The following CEP89 variants were observed in gnomAD, a reference collection of about 807,000 sequenced individuals.
CEP89 encodes centrosomal protein 89, also known as centrosomal protein of 89 kDa.
In CEP89, 95 loss-of-function variants were observed where a neutral mutation model predicts 97.6. The observed-to-expected ratio is 0.97, with a 90% CI of 0.82 to 1.15. The LOEUF is 1.15. Ranked by LOEUF, CEP89 falls within the 50% of genes most tolerant of loss-of-function variation. CEP89 has a pLI of 0.00. For missense variants in CEP89, 869 were observed against 947.7 expected (o/e 0.92, Z 1.09); for synonymous variants, 354 against 349.1 (o/e 1.01, Z -0.16).
rs1969177365 is a variant in CEP89, at chr19:32,876,115, ATTGTAT to A, written c.*3041_*3046del. The A allele has an allele frequency of 1.3e-5, 2 of 151,876 alleles. No homozygotes were observed. Among genetic ancestry groups the A allele is most frequent in the Non-Finnish European group, 2.9e-5 (2 of 68,224 alleles). 9.4% of individuals were successfully genotyped at this position (151,876 alleles called of 1,614,324 possible). Reference sequence around the variant, plus strand: ...TTCCCCAGGGCTGCTTTTACTTTTTATTGTATTATTTTTGAGGCAGGGTCTCACCTG... The same window carrying A: ...TTCCCCAGGGCTGCTTTTACTTTTTATATTTTTGAGGCAGGGTCTCACCTG... On this transcript the variant is annotated 3_prime_UTR_variant, in exon 19 of 19. Transcript: ENST00000305768.
chr19:32,950,570 C>T (rs1970890193), intron 4 of CEP89, among the ~76,000 whole-genome samples: 1 of 151,964 alleles, frequency 6.6e-6, no homozygotes, highest in African/African-American at 2.4e-5. Flanking sequence ...TTCACCCCCA[C>T]AAAAAAAGCA....
chr19:32,959,714 A>C (rs1971124009), intron 3 of CEP89, among the ~76,000 whole-genome samples, 186 bp downstream of exon 3: 1 of 152,210 alleles, frequency 6.6e-6, no homozygotes, highest in Non-Finnish European at 1.5e-5. Flanking sequence ...GACAGTGTCC[A>C]TTTGACATTG....
rs747351322 is a variant in CEP89 at position 32,948,261 on chromosome 19, T to TC, written c.595+4dup. On this transcript the variant is annotated splice_donor_region_variant and intron_variant, in intron 5 of 18. Transcript: ENST00000305768. Reference sequence around the variant, plus strand: ...TTTATAAAAATTGTGGTTTTTTTTTTCTACCTTTTTGTTGTGTCCGCTGTG... The same window carrying TC: ...TTTATAAAAATTGTGGTTTTTTTTTTCCTACCTTTTTGTTGTGTCCGCTGTG... 5.3e-6 allele frequency: 8 copies of TC among 1,521,312 alleles called. No homozygotes were observed. The highest frequency in any genetic ancestry group is 7.1e-6 in the Non-Finnish European group (8 of 1,126,464). 94.2% of individuals were successfully genotyped at this position (1,521,312 alleles called of 1,614,324 possible).
chr19:32,895,443 A>G (rs1969620214), intron 16 of CEP89, among the ~76,000 whole-genome samples: 1 of 152,186 alleles, frequency 6.6e-6, no homozygotes, highest in African/African-American at 2.4e-5. Context: ...AACACTTAAT[A>G]AACTAGACAT....
At chr19:32,910,576 T>A (rs917155460) in intron 14 of CEP89, among the ~76,000 whole-genome samples, 19 of 152,230 alleles carry the variant, frequency 1.2e-4, no homozygotes, top group African/African-American at 4.6e-4. Flanking sequence ...TTTAATTTTT[T>A]AACTTTTTGA....
At position 32,926,922 on chromosome 19, in the gene CEP89, A is replaced by G; in HGVS notation, c.1080+12T>C. On this transcript the variant is annotated intron_variant, in intron 10 of 18. Coordinates refer to ENST00000305768, the MANE Select transcript of CEP89 (RefSeq NM_032816.5). The stretch of plus-strand genomic sequence containing the variant: ...GAAAATATGGGCCTGAAATTAAATA[A>G]CTTTCACTTACCAACCAGGGTGGTA... 3 of 1,611,842 alleles carry G rather than the reference A, an allele frequency of 1.9e-6. No individual in the cohort carries two copies. The highest frequency in any genetic ancestry group is 2.5e-6 in the Non-Finnish European group (3 of 1,178,086).
intron 2 of CEP89, among the ~76,000 whole-genome samples, chr19:32,964,586 A>C (rs1403659571): frequency 6.6e-6 from 1 of 152,258 alleles, no homozygotes; most frequent in Non-Finnish European, 1.5e-5. Flanking sequence ...ATAATGAAAT[A>C]CTACTCAGTA....
chr19:32,959,969 C>A lies in CEP89; in HGVS notation c.236G>T (p.Ser79Ile). The A allele has an allele frequency of 2.5e-6, 4 of 1,614,252 alleles. No individual in the cohort carries two copies. Among genetic ancestry groups the A allele is most frequent in the Non-Finnish European group, 3.4e-6 (4 of 1,180,046 alleles). Reference sequence around the variant, plus strand: ...GTCCTGTTCAACACTGCTCACATCACTCTCAGACCGGGACCTCTGGCGAGG... The same window carrying A: ...GTCCTGTTCAACACTGCTCACATCAATCTCAGACCGGGACCTCTGGCGAGG... ...PQPRQRSRSE[S>I]DVSSVEQDSF... Residue 79 changes from serine to isoleucine, a missense_variant, in exon 3 of 19, where the codon AGT becomes ATT. By Grantham distance (142) the Ser-to-Ile change is moderately radical. Coordinates refer to ENST00000305768, the MANE Select transcript of CEP89 (RefSeq NM_032816.5).
intron 4 of CEP89, among the ~76,000 whole-genome samples, chr19:32,952,350 G>A (rs535839243): frequency 5.4e-5 from 8 of 149,140 alleles, no homozygotes; most frequent in South Asian, 2.1e-4. Context: ...TTGTGGTGCC[G>A]CGTGCCTAAA....
chr19:32,948,037 G>A (rs1218809033), intron 5 of CEP89, among the ~76,000 whole-genome samples: 1 of 152,122 alleles, frequency 6.6e-6, no homozygotes. Context: ...AAATTCTTGA[G>A]CTCAAGGGAT....
chr19:32,951,737 T>C (rs1970923236), intron 4 of CEP89, among the ~76,000 whole-genome samples: 1 of 152,048 alleles, frequency 6.6e-6, no homozygotes, highest in Non-Finnish European at 1.5e-5. Context: ...ATTTTCTACT[T>C]TTCACATGTT....
intron 11 of CEP89, 53 bp downstream of exon 11, chr19:32,926,137 G>T: frequency 7.9e-7 from 1 of 1,263,704 alleles, no homozygotes; most frequent in Non-Finnish European, 1.2e-6. Context: ...AAAATTTGAA[G>T]CGGTCCTATA....
At chr19:32,964,656 T>C (rs1286504422) in intron 2 of CEP89, among the ~76,000 whole-genome samples, 3 of 152,162 alleles carry the variant, frequency 2.0e-5, no homozygotes, top group Admixed American at 2.0e-4. Flanking sequence ...TCATGCTGAG[T>C]GAAGGAAGGC....
At chr19:32,922,703 C>T (rs538911504) in intron 12 of CEP89, among the ~76,000 whole-genome samples, 2 of 152,062 alleles carry the variant, frequency 1.3e-5, no homozygotes, top group East Asian at 1.9e-4. Flanking sequence ...CAAAAATTAG[C>T]CAGGTGTGGT....
rs551504589 is a variant in CEP89, at chr19:32,943,594, C to T, written c.596-3709G>A. Among the ~76,000 whole-genome samples, 8 of 151,900 alleles carry T rather than the reference C, an allele frequency of 5.3e-5. No homozygotes were observed. In the South Asian group the frequency reaches 1.7e-3, roughly 32 times the overall value. On this transcript the variant is annotated intron_variant, in intron 5 of 18. Coordinates refer to ENST00000305768, the MANE Select transcript of CEP89 (RefSeq NM_032816.5). The stretch of plus-strand genomic sequence containing the variant: ...GAGCTATGATCACACCACTGTATTC[C>T]AGCCTGGGTGGCAGAGCAAGATCCT...
chr19:32,931,696 GTGTGTGTCTGTGTGTGTA>G (rs1970477388), intron 8 of CEP89, 125 bp from the exon 9 acceptor site: 3 of 653,342 alleles, frequency 4.6e-6, no homozygotes, highest in Non-Finnish European at 7.5e-6. Flanking sequence ...CTGTGTGTGC[GTGTGTGTCTGTGTGTGTA>G]TGTGTGTCTG....
chr19:32,954,777 G>A (rs1248619691), intron 3 of CEP89, among the ~76,000 whole-genome samples: 1 of 148,634 alleles, frequency 6.7e-6, no homozygotes. Context: ...TGATTCTCCT[G>A]CCTCAGCCTC....
At chr19:32,918,422 T>C (rs531439430) in intron 12 of CEP89, 83 bp from the exon 13 acceptor site, 2 of 944,062 alleles carry the variant, frequency 2.1e-6, no homozygotes, top group East Asian at 2.4e-5. Flanking sequence ...AAGGAAGCAA[T>C]GGCTGCATTA....
At chr19:32,887,546 C>T (rs965606291) in intron 17 of CEP89, among the ~76,000 whole-genome samples, 1 of 152,110 alleles carries the variant, frequency 6.6e-6, no homozygotes, top group African/African-American at 2.4e-5. Flanking sequence ...AACAGCTATG[C>T]AGTATTTTAT....
Sources: gnomAD v4.1 joint callset for allele counts (sites outside exome capture counted in the v4.1 genomes callset) on GRCh38, gnomAD v4.1.1 for gene constraint, MANE v1.5 for transcripts, NCBI Gene and HGNC (gene_info 2026-07-23, HGNC 2026-07-21) for gene names.